FAF1: variants seen among roughly 807,000 people sequenced by gnomAD.
FAF1 encodes the protein Fas associated factor 1, also known as FAS-associated factor 1.
FAF1 carries 25 observed loss-of-function variants against 92.5 expected under a neutral mutation model. The ratio of observed to expected loss-of-function variants is 0.27; its 90% CI spans 0.20 to 0.38. FAF1 has a LOEUF of 0.38. FAF1 is among the 10% of genes least tolerant of loss of function. The pLI is 1.00. For missense variants in FAF1, 636 were observed against 793.3 expected, an observed-to-expected ratio of 0.80 and a Z score of 2.38; for synonymous variants, 234 against 273.2, an observed-to-expected ratio of 0.86 and a Z score of 1.42.
intron 8 of FAF1, among the ~76,000 whole-genome samples, chr1:50,632,104 T>A (rs1653816612): frequency 6.6e-6 from 1 of 152,142 alleles, no homozygotes; most frequent in South Asian, 2.1e-4. Context: ...CTACTGTATA[T>A]CAAAGCAAAT....
At chr1:50,654,382 A>C (rs1276315314) in intron 8 of FAF1, among the ~76,000 whole-genome samples, 1 of 152,184 alleles carries the variant, frequency 6.6e-6, no homozygotes, top group Non-Finnish European at 1.5e-5. Flanking sequence ...TTTTTAAAAA[A>C]ACTTAGGTAT....
intron 2 of FAF1, among the ~76,000 whole-genome samples, chr1:50,856,649 T>G (rs997553013): frequency 6.6e-6 from 1 of 151,734 alleles, no homozygotes; most frequent in African/African-American, 2.4e-5. Context: ...TATTCAAAAC[T>G]CCAAAAATAT....
At chr1:50,584,893 G>A in intron 9 of FAF1, 82 bp from the exon 10 acceptor site, 1 of 1,237,808 alleles carries the variant, frequency 8.1e-7, no homozygotes, top group South Asian at 1.4e-5. Flanking sequence ...ATAACAACAG[G>A]ACATAAGCGT....
chr1:50,951,561 A>G (rs1645214354), intron 1 of FAF1, among the ~76,000 whole-genome samples: 1 of 152,352 alleles, frequency 6.6e-6, no homozygotes, highest in Admixed American at 6.5e-5. Context: ...TGATTTAAAT[A>G]CAAGTGGTCT....
At chr1:50,882,404 G>T (rs1009491177) in intron 1 of FAF1, among the ~76,000 whole-genome samples, 1 of 151,668 alleles carries the variant, frequency 6.6e-6, no homozygotes, top group Non-Finnish European at 1.5e-5. Flanking sequence ...GATCAGCCTG[G>T]CCAACATGGT....
chr1:50,620,175 G>A (rs1485072019), intron 8 of FAF1, among the ~76,000 whole-genome samples: 1 of 152,122 alleles, frequency 6.6e-6, no homozygotes, highest in Non-Finnish European at 1.5e-5. Flanking sequence ...CCAAAATGCT[G>A]GGATTATAGG....
intron 12 of FAF1, among the ~76,000 whole-genome samples, chr1:50,576,053 C>T (rs1269412863): frequency 6.6e-6 from 1 of 152,122 alleles, no homozygotes; most frequent in Admixed American, 6.5e-5. Flanking sequence ...TCTCAAAATT[C>T]CTTTCTGAAA....
intron 8 of FAF1, among the ~76,000 whole-genome samples, chr1:50,625,675 C>A (rs1653465604): frequency 6.6e-6 from 1 of 151,946 alleles, no homozygotes; most frequent in Admixed American, 6.5e-5. Context: ...ATCTAAGAAA[C>A]AAGTAGTTTA....
chr1:50,530,238 G>GGTGTGTGTGT lies in FAF1; in HGVS notation c.1494+5121_1494+5130dup, dbSNP rs72220248. ...AGTAGTTTTGCTAGCTTTAAGAAGT[G>GGTGTGTGTGT]GTGTGTGTGTGTGTGTGTGTGTGTG... On this transcript the variant is annotated intron_variant, in intron 15 of 18. Transcript: ENST00000396153. Among the ~76,000 whole-genome samples the GGTGTGTGTGT allele has an allele frequency of 6.8e-3, 968 of 141,556 alleles. 8 individuals are homozygous for GGTGTGTGTGT. The highest frequency in any genetic ancestry group is 0.025 in the Middle Eastern group (7 of 282). The allele number at this position is 141,556 out of a possible 152,430, so 92.9% of individuals were successfully genotyped here. A position where few individuals can be genotyped will look rare whatever the true frequency, so the allele number is the denominator to read the frequency against.
chr1:50,818,839 C>G (rs12073442), intron 2 of FAF1, among the ~76,000 whole-genome samples: 3 of 150,706 alleles, frequency 2.0e-5, no homozygotes, highest in African/African-American at 7.3e-5. Context: ...TCCATCCCCC[C>G]ACCAAAAAAA....
intron 2 of FAF1, among the ~76,000 whole-genome samples, chr1:50,855,127 C>G (rs1323361164): frequency 6.6e-6 from 1 of 151,824 alleles, no homozygotes; most frequent in Non-Finnish European, 1.5e-5. Flanking sequence ...TCTGGACATT[C>G]TTTTGGTCCC....
At chr1:50,652,560 C>A (rs1654914018) in intron 8 of FAF1, among the ~76,000 whole-genome samples, 1 of 152,162 alleles carries the variant, frequency 6.6e-6, no homozygotes, top group Non-Finnish European at 1.5e-5. Context: ...TATCTTATGT[C>A]CCTGCTCTTA....
intron 18 of FAF1, among the ~76,000 whole-genome samples, chr1:50,464,460 C>T (rs1031827440): frequency 6.6e-6 from 1 of 152,278 alleles, no homozygotes; most frequent in East Asian, 1.9e-4. Context: ...CCTGTCATTG[C>T]CAAGACTCAG....
chr1:50,809,339 A>T (rs1662331647), intron 2 of FAF1, among the ~76,000 whole-genome samples: 1 of 152,152 alleles, frequency 6.6e-6, no homozygotes. Flanking sequence ...TCCTTGAAAG[A>T]ATAAATAAAA....
At chr1:50,540,855 T>C (rs1172794934) in intron 13 of FAF1, among the ~76,000 whole-genome samples, 1 of 152,136 alleles carries the variant, frequency 6.6e-6, no homozygotes, top group Non-Finnish European at 1.5e-5. Flanking sequence ...GGCAAAACAG[T>C]GGAAATTCTG....
At chr1:50,490,152 G>A (rs561737921) in intron 17 of FAF1, among the ~76,000 whole-genome samples, 2 of 152,274 alleles carry the variant, frequency 1.3e-5, no homozygotes, top group East Asian at 1.9e-4. Flanking sequence ...TTCAGGTCAG[G>A]AGTTCGAGAC....
intron 4 of FAF1, among the ~76,000 whole-genome samples, chr1:50,778,547 T>A (rs1661044438): frequency 6.6e-6 from 1 of 152,190 alleles, no homozygotes. Flanking sequence ...ATGTGCATTA[T>A]ATATACATTT....
chr1:50,476,322 G>C (rs1446255822), intron 17 of FAF1, among the ~76,000 whole-genome samples: 2 of 152,182 alleles, frequency 1.3e-5, no homozygotes, highest in Admixed American at 6.5e-5. Context: ...TCAAATATCA[G>C]GTTTATTGGC....
intron 7 of FAF1, among the ~76,000 whole-genome samples, chr1:50,675,429 G>T (rs1394482348): frequency 6.6e-6 from 1 of 152,190 alleles, no homozygotes; most frequent in Non-Finnish European, 1.5e-5. Flanking sequence ...TACAATATTG[G>T]AATGTTAGGG....
Sources: allele counts gnomAD v4.1 joint callset (sites outside exome capture counted in the v4.1 genomes callset), GRCh38; gene constraint gnomAD v4.1.1; transcripts MANE v1.5; gene names NCBI Gene and HGNC (gene_info 2026-07-23, HGNC 2026-07-21).